The following ZFAND4 variants were observed in gnomAD, a reference collection of about 807,000 sequenced individuals.
ZFAND4 encodes the protein AN1-type zinc finger protein 4.
In ZFAND4, 43 loss-of-function variants were observed where a neutral mutation model predicts 64.4. That is an observed-to-expected ratio of 0.67 (90% CI 0.52 to 0.86). The LOEUF (loss-of-function observed/expected upper bound fraction) is 0.86, where lower values mean the gene tolerates loss of function less well. ZFAND4 is among the 40% of genes least tolerant of loss of function. The pLI, the probability that ZFAND4 is intolerant of heterozygous loss-of-function variation, is 0.00. For missense variants in ZFAND4, 929 were observed against 859.8 expected, an observed-to-expected ratio of 1.08 and a Z score of -1.01; for synonymous variants, 296 against 305.7, an observed-to-expected ratio of 0.97 and a Z score of 0.33.
chr10:45,663,832 G>T lies in ZFAND4; in HGVS notation c.-107C>A. ...TAATATATATTGTTGTTCATGTTTTGAGTTTTGTACCTAAAAAAACAAGAA... is the reference window on the plus strand; with the variant it reads ...TAATATATATTGTTGTTCATGTTTTTAGTTTTGTACCTAAAAAAACAAGAA... On this transcript the variant is annotated 5_prime_UTR_variant, in exon 2 of 10. Coordinates refer to ENST00000344646, the MANE Select transcript of ZFAND4 (RefSeq NM_174890.4). 2 of 996,758 alleles carry T rather than the reference G, an allele frequency of 2.0e-6. No individual in the cohort carries two copies. Among genetic ancestry groups the T allele is most frequent in the Non-Finnish European group, 2.8e-6 (2 of 724,564 alleles). The allele number at this position is 996,758 out of a possible 1,614,324, so 61.7% of individuals were successfully genotyped here. A position where few individuals can be genotyped will look rare whatever the true frequency, so the allele number is the denominator to read the frequency against.
chr10:45,663,611 A>G lies in ZFAND4; in HGVS notation c.115T>C (p.Cys39Arg). 2 of 1,611,286 alleles carry G rather than the reference A, an allele frequency of 1.2e-6. No homozygotes were observed. Among genetic ancestry groups the G allele is most frequent in the Non-Finnish European group, 1.7e-6 (2 of 1,179,264 alleles). Reference protein sequence around the residue: ...ELFIETLTGTCFELRVSPFET... With the variant: ...ELFIETLTGTRFELRVSPFET... Reference sequence around the variant, plus strand: ...AAAGGTGAAACTCTCAGCTCAAAACATGTTCCAGTTAATGTTTCAATGAAG... The same window carrying G: ...AAAGGTGAAACTCTCAGCTCAAAACGTGTTCCAGTTAATGTTTCAATGAAG... The change falls in exon 2 of 10, where the codon TGT (cysteine) becomes CGT (arginine). Residue 39 changes from cysteine (C) to arginine (R), a missense_variant. Transcript: ENST00000344646.
At chr10:45,661,914 G>C (rs1047932175) in intron 2 of ZFAND4, among the ~76,000 whole-genome samples, 3 of 148,990 alleles carry the variant, frequency 2.0e-5, no homozygotes, top group East Asian at 4.0e-4. Flanking sequence ...TCCAGCCTGC[G>C]CAACAGGTGC....
chr10:45,627,136 A>G, intron 6 of ZFAND4, 31 bp from the exon 7 acceptor site: 2 of 1,500,718 alleles, frequency 1.3e-6, no homozygotes, highest in Non-Finnish European at 1.8e-6. Flanking sequence ...GTTTCTTTAC[A>G]CAGTCGTTTT....
chr10:45,640,866 G>T (rs917076380), intron 5 of ZFAND4, among the ~76,000 whole-genome samples: 3 of 152,076 alleles, frequency 2.0e-5, no homozygotes, highest in African/African-American at 7.2e-5. Flanking sequence ...GACTAGCATA[G>T]ATTTTAACAA....
rs1430077835 is a variant in ZFAND4 at position 45,618,177 on chromosome 10, C to T, written c.2011G>A (p.Gly671Arg). ...CTACTAGCCAGTCCTGTTTTCTTTC[C>T]ACAAAGAAAACAATGATTTGTTGTT... ...KKTTNHCFLC[G>R]KKTGLASSYE... Residue 671 changes from glycine to arginine, a missense_variant, in exon 9 of 10, where the codon GGA (glycine) becomes AGA (arginine). Physicochemically the swap from Gly to Arg is moderately radical, Grantham distance 125. Transcript: ENST00000344646. 1 of 1,613,372 alleles carries T rather than the reference C, an allele frequency of 6.2e-7. No homozygotes were observed. Among genetic ancestry groups the T allele is most frequent in the Non-Finnish European group, 8.5e-7 (1 of 1,179,798 alleles).
At chr10:45,630,374 A>T (rs1244369474) in intron 6 of ZFAND4, among the ~76,000 whole-genome samples, 2 of 152,210 alleles carry the variant, frequency 1.3e-5, no homozygotes, top group Non-Finnish European at 2.9e-5. Flanking sequence ...TCAGAAATGA[A>T]GACTAAATTA....
chr10:45,662,533 C>T, intron 2 of ZFAND4: 1 of 943,756 alleles, frequency 1.1e-6, no homozygotes, highest in Non-Finnish European at 1.3e-6. Flanking sequence ...ATATAAATTG[C>T]AAAGCAGAAC....
At chr10:45,649,883 A>T (rs1310246562) in intron 4 of ZFAND4, 1 of 152,224 alleles carries the variant, frequency 6.6e-6, no homozygotes, top group Non-Finnish European at 1.5e-5. Context: ...TATAGCCATT[A>T]CCACAGTCAC....
chr10:45,668,478 T>C (rs868424460), intron 1 of ZFAND4, among the ~76,000 whole-genome samples: 18 of 152,224 alleles, frequency 1.2e-4, no homozygotes, highest in African/African-American at 4.3e-4. Context: ...CAACAATTAA[T>C]GGGCAAAATA....
intron 6 of ZFAND4, among the ~76,000 whole-genome samples, chr10:45,632,972 G>C (rs934030311): frequency 6.6e-6 from 1 of 152,136 alleles, no homozygotes; most frequent in African/African-American, 2.4e-5. Flanking sequence ...GTAGGTATGG[G>C]CCTGATATCA....
chr10:45,640,124 TCTTAAAAGAAAA>T, intron 5 of ZFAND4, 161 bp from the exon 6 acceptor site: 6 of 1,282,680 alleles, frequency 4.7e-6, no homozygotes, highest in Non-Finnish European at 6.1e-6. Context: ...AGAATGTACT[TCTTAAAAGAAAA>T]AATGAAATGG....
At chr10:45,628,882 G>C (rs1401175816) in intron 6 of ZFAND4, among the ~76,000 whole-genome samples, 1 of 113,292 alleles carries the variant, frequency 8.8e-6, no homozygotes, top group Admixed American at 1.1e-4. Flanking sequence ...GTATGGAGAA[G>C]TATGGAGCTT....
At position 45,668,361 on chromosome 10, in the gene ZFAND4, T is replaced by G. The variant is rs181111842; in HGVS notation, c.-118+3889A>C. Among the ~76,000 whole-genome samples the G allele has an allele frequency of 8.8e-3, 1,339 of 152,256 alleles. 12 individuals are homozygous for G. The highest frequency in any genetic ancestry group is 0.011 in the Non-Finnish European group (772 of 68,010). ...AGATTTTGTCACCACCAGGCCTGCCTTACAAGAGCTCCTGAAGGAAACACT... is the reference window on the plus strand; with the variant it reads ...AGATTTTGTCACCACCAGGCCTGCCGTACAAGAGCTCCTGAAGGAAACACT... On this transcript the variant is annotated intron_variant, in intron 1 of 9. Coordinates refer to ENST00000344646, the MANE Select transcript of ZFAND4 (RefSeq NM_174890.4).
chr10:45,651,518 T>G (rs1197591856), intron 4 of ZFAND4: 1 of 466,310 alleles, frequency 2.1e-6, no homozygotes, highest in Non-Finnish European at 4.4e-6. Context: ...TGAGAAAGGA[T>G]GCAACCGGGG....
intron 5 of ZFAND4, 149 bp downstream of exon 5, chr10:45,648,145 A>C (rs2047515104): frequency 1.4e-6 from 1 of 739,618 alleles, no homozygotes; most frequent in East Asian, 3.2e-5. Context: ...ATCCCACTCT[A>C]AAAAAACCTC....
Position 45,626,566 on chromosome 10 carries a change from C to T in ZFAND4, c.1257G>A (p.Ala419=), listed in dbSNP as rs765918675. Residue 419 remains alanine (A), a synonymous_variant, in exon 7 of 10, where the codon GCG becomes GCA. Coordinates refer to ENST00000344646, the MANE Select transcript of ZFAND4 (RefSeq NM_174890.4). ...GTAGCAACTCCAGATTCACTTTGCA[C>T]GCACCTTCTAAGCCGCTGCTCTGTT... ...ADEQSSGLEG[A]CKVNLELLLT... is the part of the protein sequence containing the mutation. The T allele has an allele frequency of 1.1e-5, 17 of 1,614,052 alleles. 1 individual carries two copies. The highest frequency in any genetic ancestry group is 1.6e-4 in the Middle Eastern group (1 of 6,084).
At chr10:45,653,766 T>C (rs998120519) in intron 2 of ZFAND4, among the ~76,000 whole-genome samples, 11 of 152,188 alleles carry the variant, frequency 7.2e-5, no homozygotes, top group Admixed American at 3.9e-4. Context: ...TGGAGATTTC[T>C]CAAAGAGTTT....
chr10:45,669,758 A>T (rs147151369), intron 1 of ZFAND4, among the ~76,000 whole-genome samples: 2,619 of 152,324 alleles, frequency 0.017, 36 homozygotes, highest in Non-Finnish European at 0.023. Context: ...TCCATCACAT[A>T]AACAGAGCCA....
At chr10:45,625,838 T>C (rs921920072) in intron 7 of ZFAND4, 113 bp downstream of exon 7, 6 of 1,034,966 alleles carry the variant, frequency 5.8e-6, no homozygotes, top group Admixed American at 2.9e-5. Flanking sequence ...GATAAATTTA[T>C]GAAAATAATC....
Sources: gnomAD v4.1 joint callset for allele counts (sites outside exome capture counted in the v4.1 genomes callset) on GRCh38, gnomAD v4.1.1 for gene constraint, MANE v1.5 for transcripts, NCBI Gene and HGNC (gene_info 2026-07-23, HGNC 2026-07-21) for gene names.